The following PCDHA1 variants were observed in gnomAD, a reference collection of about 807,000 sequenced individuals.
PCDHA1 encodes the protein protocadherin alpha 1.
Under a neutral mutation model 61.3 loss-of-function variants are expected in PCDHA1, and 42 were observed. The observed-to-expected ratio is 0.69, with a 90% CI of 0.54 to 0.89. The LOEUF (loss-of-function observed/expected upper bound fraction) is 0.89. PCDHA1 is among the 40% of genes least tolerant of loss of function. PCDHA1 has a pLI of 0.00. For synonymous variants in PCDHA1, 610 were observed against 553.8 expected (o/e 1.10, Z -1.43); for missense variants, 1,256 against 1,235.3 (o/e 1.02, Z -0.25).
At chr5:140,841,906 A>G in intron 1 of PCDHA1, 1 of 1,613,880 alleles carries the variant, frequency 6.2e-7, no homozygotes, top group Non-Finnish European at 8.5e-7. Context: ...TTGAGCTCGT[A>G]TTAAGAAAAT....
chr5:140,922,830 A>G (rs2081013341), intron 1 of PCDHA1, among the ~76,000 whole-genome samples: 1 of 152,264 alleles, frequency 6.6e-6, no homozygotes, highest in Admixed American at 6.5e-5. Context: ...TACTGCTAAT[A>G]GATGTCCTCA....
intron 1 of PCDHA1, chr5:140,834,608 G>A (rs2150222869): frequency 6.2e-7 from 1 of 1,614,060 alleles, no homozygotes; most frequent in East Asian, 2.2e-5. Context: ...GGGATCTTCT[G>A]GAGGTAAATC....
At chr5:140,897,694 G>A (rs1091552) in intron 1 of PCDHA1, among the ~76,000 whole-genome samples, 2,266 of 152,206 alleles carry the variant, frequency 0.015, 53 homozygotes, top group African/African-American at 0.052. Context: ...AGTCCTTTGG[G>A]CATATACCCA....
In PCDHA1 at chr5:140,788,363, G is replaced by A; in HGVS notation, c.2073G>A (p.Ala691=). ...RASVGVAGPE[A]ALVDVNVYLI... is the part of the protein sequence containing the mutation. ...CGGTGGGTGTCGCGGGCCCAGAGGCGGCGCTGGTGGATGTCAACGTGTACC... is the reference window on the plus strand; with the variant it reads ...CGGTGGGTGTCGCGGGCCCAGAGGCAGCGCTGGTGGATGTCAACGTGTACC... The change falls in exon 1 of 4, where the codon GCG becomes GCA. Residue 691 remains alanine (A), a synonymous_variant. Coordinates refer to ENST00000504120, the MANE Select transcript of PCDHA1 (RefSeq NM_018900.4). 1 of 1,613,990 alleles carries A rather than the reference G, an allele frequency of 6.2e-7. No individual in the cohort carries two copies. Among genetic ancestry groups the A allele is most frequent in the South Asian group, 1.1e-5 (1 of 91,088 alleles).
At chr5:140,868,536 T>C (rs2050515063) in intron 1 of PCDHA1, 1 of 152,638 alleles carries the variant, frequency 6.6e-6, no homozygotes, top group Non-Finnish European at 1.5e-5. Flanking sequence ...AGTAAAACAA[T>C]TCAAATTTGA....
intron 1 of PCDHA1, chr5:140,883,600 G>A (rs2059695358): frequency 6.2e-7 from 1 of 1,613,890 alleles, no homozygotes; most frequent in Non-Finnish European, 8.5e-7. Flanking sequence ...TGTCGGTGGG[G>A]GTGGCCGACG....
At chr5:141,001,885 A>C (rs1462586962) in intron 3 of PCDHA1, among the ~76,000 whole-genome samples, 2 of 152,228 alleles carry the variant, frequency 1.3e-5, no homozygotes, top group African/African-American at 2.4e-5. Context: ...GAAGGAGCAA[A>C]GAAATCGGGG....
intron 3 of PCDHA1, among the ~76,000 whole-genome samples, chr5:141,000,387 CTCTCTCTCTATA>C (rs1217065500): frequency 3.9e-4 from 26 of 66,870 alleles, no homozygotes; most frequent in African/African-American, 1.1e-3. Context: ...CTCTCTCTCT[CTCTCTCTCTATA>C]TATATATATA....
chr5:140,795,464 TTC>T (rs1562153119), intron 1 of PCDHA1: 1 of 1,614,174 alleles, frequency 6.2e-7, no homozygotes, highest in Non-Finnish European at 8.5e-7. Context: ...GTAAATGCTC[TTC>T]TCTCCTACAA....
chr5:140,830,753 T>G (rs1771228172), intron 1 of PCDHA1: 1 of 184,998 alleles, frequency 5.4e-6, no homozygotes, highest in Non-Finnish European at 1.1e-5. Context: ...TCTGTTGCAT[T>G]TTAATTCAGA....
chr5:140,929,651 A>G (rs2086278415), intron 1 of PCDHA1: 2 of 358,222 alleles, frequency 5.6e-6, no homozygotes, highest in East Asian at 8.9e-5. Context: ...AAGGCACTCT[A>G]ATATTTAAAG....
chr5:140,884,241 C>A (rs782355331), intron 1 of PCDHA1: 5 of 1,613,408 alleles, frequency 3.1e-6, no homozygotes, highest in Non-Finnish European at 4.2e-6. Flanking sequence ...GGTGAGCCCG[C>A]GCTGACGGCC....
At chr5:140,918,232 A>G (rs2078581718) in intron 1 of PCDHA1, among the ~76,000 whole-genome samples, 1 of 152,166 alleles carries the variant, frequency 6.6e-6, no homozygotes, top group African/African-American at 2.4e-5. Flanking sequence ...ATTTTTGTAC[A>G]TTGATTTTGT....
chr5:140,836,387 G>T (rs1435398883), intron 1 of PCDHA1: 1 of 1,613,748 alleles, frequency 6.2e-7, no homozygotes, highest in Non-Finnish European at 8.5e-7. Flanking sequence ...TGCTGGTGTC[G>T]CTGGTGGAAA....
intron 1 of PCDHA1, among the ~76,000 whole-genome samples, chr5:140,922,616 A>G (rs2080916487): frequency 6.6e-6 from 1 of 152,242 alleles, no homozygotes; most frequent in African/African-American, 2.4e-5. Context: ...TATTAAAACT[A>G]TGGTACACAT....
chr5:140,801,650 G>A (rs1336812837), intron 1 of PCDHA1: 5 of 1,614,058 alleles, frequency 3.1e-6, no homozygotes, highest in Non-Finnish European at 3.4e-6. Flanking sequence ...CTGGCTCTCG[G>A]TTTTCGCTAG....
intron 1 of PCDHA1, among the ~76,000 whole-genome samples, chr5:140,792,851 G>A (rs782620452): frequency 2.6e-5 from 4 of 152,160 alleles, no homozygotes; most frequent in African/African-American, 4.8e-5. Flanking sequence ...GAGCAGTTCT[G>A]AAGCTATCTG....
At chr5:140,943,854 CAAG>C (rs1298449902) in intron 1 of PCDHA1, among the ~76,000 whole-genome samples, 7 of 152,158 alleles carry the variant, frequency 4.6e-5, no homozygotes, top group African/African-American at 1.7e-4. Flanking sequence ...TCACAGAAGT[CAAG>C]AAGAGGTCTC....
chr5:140,946,844 G>A (rs189496185), intron 1 of PCDHA1, among the ~76,000 whole-genome samples: 5 of 151,386 alleles, frequency 3.3e-5, no homozygotes, highest in Non-Finnish European at 5.9e-5. Context: ...CAGTAGTAAG[G>A]AGGAGAGATT....
Sources: allele counts gnomAD v4.1 joint callset (sites outside exome capture counted in the v4.1 genomes callset), GRCh38; gene constraint gnomAD v4.1.1; transcripts MANE v1.5; gene names NCBI Gene and HGNC (gene_info 2026-07-23, HGNC 2026-07-21).